FBXL17: variants seen among roughly 807,000 people sequenced by gnomAD.
FBXL17 encodes F-box/LRR-repeat protein 17.
Under a neutral mutation model 66.2 loss-of-function variants are expected in FBXL17, and 22 were observed. That is an observed-to-expected ratio of 0.33 (90% CI 0.24 to 0.47). FBXL17 has a LOEUF of 0.47. Among genes scored for constraint, FBXL17 ranks in the 20% least tolerant of loss-of-function variants. FBXL17 has a pLI of 1.00. For synonymous variants in FBXL17, 474 were observed against 400.5 expected, an observed-to-expected ratio of 1.18 and a Z score of -2.19; for missense variants, 878 against 948.2, an observed-to-expected ratio of 0.93 and a Z score of 0.97.
intron 3 of FBXL17, among the ~76,000 whole-genome samples, chr5:108,357,885 A>G (rs1296719808): frequency 5.1e-5 from 2 of 39,410 alleles, no homozygotes; most frequent in Non-Finnish European, 8.6e-5. Flanking sequence ...AAATAAAAAT[A>G]AAACATCAAA....
At chr5:107,887,147 G>T (rs560080780) in intron 7 of FBXL17, among the ~76,000 whole-genome samples, 1 of 152,230 alleles carries the variant, frequency 6.6e-6, no homozygotes, top group East Asian at 1.9e-4. Context: ...GAGGTAGCTG[G>T]GTGAAGAGCA....
At chr5:108,289,724 T>C (rs1758037230) in intron 4 of FBXL17, among the ~76,000 whole-genome samples, 1 of 151,950 alleles carries the variant, frequency 6.6e-6, no homozygotes, top group Admixed American at 6.6e-5. Context: ...TTGGGGAAAA[T>C]TTCTTAATAT....
chr5:108,016,604 C>T (rs149798617), intron 7 of FBXL17, among the ~76,000 whole-genome samples: 66 of 152,132 alleles, frequency 4.3e-4, no homozygotes, highest in African/African-American at 1.6e-3. Flanking sequence ...TGGAGATAAG[C>T]GCTTTATTCA....
intron 4 of FBXL17, among the ~76,000 whole-genome samples, chr5:108,258,938 TA>T (rs1756695210): frequency 6.6e-6 from 1 of 152,006 alleles, no homozygotes; most frequent in African/African-American, 2.4e-5. Context: ...CTAGACATAA[TA>T]AAAGCTGTAA....
intron 5 of FBXL17, among the ~76,000 whole-genome samples, chr5:108,210,267 G>C (rs1754309856): frequency 6.6e-6 from 1 of 151,986 alleles, no homozygotes; most frequent in South Asian, 2.1e-4. Context: ...ACCAGCTCCT[G>C]GATTCATTGA....
chr5:108,101,903 A>G lies in FBXL17; in HGVS notation c.1746-80902T>C, dbSNP rs78889631. Reference sequence around the variant, plus strand: ...AGGATATACTTTGCAAAAAGTTCAAAGTAGACATCACAGAAGCAAAAAACT... The same window carrying G: ...AGGATATACTTTGCAAAAAGTTCAAGGTAGACATCACAGAAGCAAAAAACT... On this transcript the variant is annotated intron_variant, in intron 6 of 8. Coordinates refer to ENST00000542267, the MANE Select transcript of FBXL17 (RefSeq NM_001163315.3). 3.3e-3 allele frequency among the ~76,000 whole-genome samples: 504 copies of G among 152,358 alleles called. 2 individuals carry two copies. The highest frequency in any genetic ancestry group is 0.012 in the African/African-American group (486 of 41,590).
At chr5:108,280,623 T>C (rs890913952) in intron 4 of FBXL17, among the ~76,000 whole-genome samples, 1 of 151,576 alleles carries the variant, frequency 6.6e-6, no homozygotes, top group Non-Finnish European at 1.5e-5. Flanking sequence ...ACAAAGAATT[T>C]AGAAAACAAT....
rs1757059266 is a variant in FBXL17 at position 108,266,680 on chromosome 5, A to C, written c.1507-42452T>G. On this transcript the variant is annotated intron_variant, in intron 4 of 8. Coordinates refer to ENST00000542267, the MANE Select transcript of FBXL17 (RefSeq NM_001163315.3). ...TGGTATACTGAGGTTGCTAAAATCA[A>C]TGGTAAGAACGAATCTTCTATCTGT... Among the ~76,000 whole-genome samples the C allele has an allele frequency of 4.6e-5, 7 of 152,278 alleles. No homozygotes were observed. In the South Asian group the frequency reaches 1.2e-3, roughly 27 times the overall value.
At chr5:107,978,426 T>C (rs891338362) in intron 7 of FBXL17, among the ~76,000 whole-genome samples, 5 of 152,206 alleles carry the variant, frequency 3.3e-5, no homozygotes, top group African/African-American at 2.4e-5. Context: ...TGCTAAGATA[T>C]ATTTGCAGTT....
rs145702887 is a variant in FBXL17 at position 108,009,755 on chromosome 5, C to T, written c.1822+11170G>A. On this transcript the variant is annotated intron_variant, in intron 7 of 8. Coordinates refer to ENST00000542267, the MANE Select transcript of FBXL17 (RefSeq NM_001163315.3). ...TAATTAGGAAATTAGATGAACAAAA[C>T]GGTCTTTTTGCCTAAGGAGAAAGTT... Among the ~76,000 whole-genome samples the T allele has an allele frequency of 1.8e-4, 27 of 152,218 alleles. No individual in the cohort carries two copies. In the East Asian group the frequency reaches 3.1e-3, roughly 17 times the overall value.
intron 7 of FBXL17, among the ~76,000 whole-genome samples, chr5:107,996,296 A>G (rs1391596655): frequency 6.6e-6 from 1 of 151,990 alleles, no homozygotes; most frequent in Non-Finnish European, 1.5e-5. Flanking sequence ...CTTTCTCTGA[A>G]TTCCTATGAC....
chr5:108,309,061 C>T (rs1445668746), intron 4 of FBXL17, among the ~76,000 whole-genome samples: 2 of 151,942 alleles, frequency 1.3e-5, no homozygotes, highest in African/African-American at 4.8e-5. Flanking sequence ...TACAGGGATA[C>T]TTATAATACT....
chr5:108,261,038 AAAT>A (rs1434620844), intron 4 of FBXL17, among the ~76,000 whole-genome samples: 15 of 152,348 alleles, frequency 9.8e-5, no homozygotes, highest in Non-Finnish European at 2.1e-4. Context: ...AAATCATTAA[AAAT>A]AATGTTAAGT....
At chr5:107,949,730 T>C (rs1175266902) in intron 7 of FBXL17, among the ~76,000 whole-genome samples, 1 of 152,200 alleles carries the variant, frequency 6.6e-6, no homozygotes, top group African/African-American at 2.4e-5. Context: ...CTTAATGATA[T>C]GCTAGGAGCT....
intron 4 of FBXL17, among the ~76,000 whole-genome samples, chr5:108,321,002 A>T (rs1312755238): frequency 3.3e-5 from 5 of 151,816 alleles, no homozygotes; most frequent in Non-Finnish European, 7.4e-5. Flanking sequence ...CACCTAGGAG[A>T]GGTGCTCTAA....
chr5:108,049,792 C>T (rs1172204955), intron 6 of FBXL17, among the ~76,000 whole-genome samples: 1 of 152,156 alleles, frequency 6.6e-6, no homozygotes, highest in Non-Finnish European at 1.5e-5. Flanking sequence ...CACAGACTGG[C>T]AAACTGGATA....
intron 8 of FBXL17, among the ~76,000 whole-genome samples, chr5:107,871,069 A>AAAAAAAAAAAAACAAAAAAC (rs1456052737): frequency 1.5e-5 from 2 of 130,174 alleles, no homozygotes; most frequent in African/African-American, 6.4e-5. Context: ...AAAAAAAAAA[A>AAAAAAAAAAAAACAAAAAAC]AAAAAAAAAA....
chr5:107,900,420 T>C (rs1392691582), intron 7 of FBXL17, among the ~76,000 whole-genome samples: 1 of 152,196 alleles, frequency 6.6e-6, no homozygotes, highest in Admixed American at 6.5e-5. Flanking sequence ...TATTTATATA[T>C]ACAGTTATAA....
At chr5:108,044,954 C>A (rs1427282525) in intron 6 of FBXL17, among the ~76,000 whole-genome samples, 3 of 152,038 alleles carry the variant, frequency 2.0e-5, no homozygotes, top group Non-Finnish European at 4.4e-5. Context: ...TCTTTATTAT[C>A]TTTCCATGTG....
Sources: allele counts gnomAD v4.1 joint callset (sites outside exome capture counted in the v4.1 genomes callset), GRCh38; gene constraint gnomAD v4.1.1; transcripts MANE v1.5; gene names NCBI Gene and HGNC (gene_info 2026-07-23, HGNC 2026-07-21).